The following PLA2G4E variants were observed in gnomAD, a reference collection of about 807,000 sequenced individuals.
PLA2G4E encodes phospholipase A2 group IVE.
Under a neutral mutation model 109.1 loss-of-function variants are expected in PLA2G4E, and 84 were observed. The observed-to-expected ratio is 0.77, with a 90% CI of 0.65 to 0.92. PLA2G4E has a LOEUF of 0.92. Among genes scored for constraint, PLA2G4E ranks in the 40% least tolerant of loss-of-function variants. PLA2G4E has a pLI of 0.00. For missense variants in PLA2G4E, 1,057 were observed against 1,076.6 expected (o/e 0.98, Z 0.25); for synonymous variants, 469 against 436.1 (o/e 1.08, Z -0.94).
chr15:41,994,038 T>C (rs1276544786), intron 12 of PLA2G4E, among the ~76,000 whole-genome samples: 12 of 149,876 alleles, frequency 8.0e-5, no homozygotes, highest in Admixed American at 8.0e-4. Context: ...GCAAGTTACC[T>C]TCTTAACCTA....
At chr15:42,017,735 C>A (rs1337990525) in intron 1 of PLA2G4E, among the ~76,000 whole-genome samples, 1 of 152,188 alleles carries the variant, frequency 6.6e-6, no homozygotes, top group Non-Finnish European at 1.5e-5. Context: ...ACTCAGCGCT[C>A]CCCCAAAGCC....
At chr15:42,019,668 G>T (rs1030522459) in intron 1 of PLA2G4E, among the ~76,000 whole-genome samples, 1 of 152,214 alleles carries the variant, frequency 6.6e-6, no homozygotes, top group African/African-American at 2.4e-5. Flanking sequence ...CCTTTAAGGA[G>T]ACCATTGGGA....
At chr15:42,004,751 A>G (rs1424510821) in intron 5 of PLA2G4E, among the ~76,000 whole-genome samples, 187 bp downstream of exon 5, 1 of 152,210 alleles carries the variant, frequency 6.6e-6, no homozygotes, top group African/African-American at 2.4e-5. Flanking sequence ...AGTGGGGCCC[A>G]GGCTCCTACA....
intron 1 of PLA2G4E, among the ~76,000 whole-genome samples, chr15:42,050,158 G>A (rs941782522): frequency 6.6e-6 from 1 of 152,220 alleles, no homozygotes; most frequent in Non-Finnish European, 1.5e-5. Flanking sequence ...GCATCGTGTT[G>A]ACAAATATCT....
At chr15:42,031,233 T>C (rs1352952667) in intron 1 of PLA2G4E, among the ~76,000 whole-genome samples, 3 of 152,222 alleles carry the variant, frequency 2.0e-5, no homozygotes, top group African/African-American at 7.2e-5. Context: ...CTTCCCAAAG[T>C]GCTGGGATTA....
rs879212145 is a variant in PLA2G4E, at chr15:42,013,582, C to T, written c.256+103G>A. 174 of 1,113,276 alleles carry T rather than the reference C, an allele frequency of 1.6e-4. 1 individual carries two copies. In the South Asian group the frequency reaches 1.6e-3, roughly 11 times the overall value. 69.0% of individuals were successfully genotyped at this position (1,113,276 alleles called of 1,614,324 possible). On this transcript the variant is annotated intron_variant, in intron 2 of 19. Transcript: ENST00000399518. Reference sequence around the variant, plus strand: ...TACACCATGCACGTGCACACGTGCGCGCGCACACACACACACGGATCCACC... The same window carrying T: ...TACACCATGCACGTGCACACGTGCGTGCGCACACACACACACGGATCCACC...
rs57770286 is a variant in PLA2G4E, at chr15:42,002,674, C to T, written c.589G>A (p.Val197Ile). ...ATTACCACCAGCACGCCATTGGTGA[C>T]GAGGGTCTCAGGTGGAGAGGGACTG... Residue 197 changes from valine to isoleucine, a missense_variant, in exon 6 of 20, where the codon GTC (valine) becomes ATC (isoleucine). Physicochemically the swap from Val to Ile is conservative, Grantham distance 29. Transcript: ENST00000399518. 1.0e-3 allele frequency: 1,658 copies of T among 1,584,956 alleles called. 16 individuals are homozygous for T. In the African/African-American group the frequency reaches 0.02, roughly 19 times the overall value.
chr15:41,988,898 G>A (rs1268609406), intron 15 of PLA2G4E, among the ~76,000 whole-genome samples: 1 of 152,196 alleles, frequency 6.6e-6, no homozygotes, highest in Non-Finnish European at 1.5e-5. Flanking sequence ...TTAAATAAGG[G>A]CGTGTTGGGG....
At chr15:41,985,392 C>A (rs2068124437) in intron 18 of PLA2G4E, among the ~76,000 whole-genome samples, 1 of 152,160 alleles carries the variant, frequency 6.6e-6, no homozygotes, top group African/African-American at 2.4e-5. Context: ...TGACAAGTGC[C>A]CTCCTCTCTC....
intron 1 of PLA2G4E, among the ~76,000 whole-genome samples, chr15:42,042,037 A>G (rs895964206): frequency 6.6e-6 from 1 of 151,106 alleles, no homozygotes; most frequent in Non-Finnish European, 1.5e-5. Flanking sequence ...GAGAGGAATC[A>G]TTGTAATTTG....
chr15:41,996,350 GAAA>G (rs34559872), intron 11 of PLA2G4E, among the ~76,000 whole-genome samples: 1,167 of 75,110 alleles, frequency 0.016, 11 homozygotes, highest in African/African-American at 0.055. Flanking sequence ...CCTGTCTCAA[GAAA>G]AAAAAAAAAA....
intron 6 of PLA2G4E, among the ~76,000 whole-genome samples, chr15:42,001,547 C>T (rs189059549): frequency 3.9e-5 from 6 of 152,230 alleles, no homozygotes; most frequent in African/African-American, 9.6e-5. Context: ...TGAGGGCTTC[C>T]GACAAAATAG....
chr15:41,993,000 C>T, intron 12 of PLA2G4E, 41 bp from the exon 13 acceptor site: 4 of 1,549,520 alleles, frequency 2.6e-6, no homozygotes, highest in Non-Finnish European at 3.5e-6. Flanking sequence ...TGACCCGGCC[C>T]CTGTCTGATG....
At chr15:42,050,109 C>T (rs1486591340) in intron 1 of PLA2G4E, among the ~76,000 whole-genome samples, 4 of 152,210 alleles carry the variant, frequency 2.6e-5, no homozygotes, top group African/African-American at 9.7e-5. Flanking sequence ...AGGCACTCTG[C>T]CAGGGGCTTC....
At chr15:42,027,222 C>T (rs2068700343) in intron 1 of PLA2G4E, among the ~76,000 whole-genome samples, 1 of 152,156 alleles carries the variant, frequency 6.6e-6, no homozygotes, top group Non-Finnish European at 1.5e-5. Context: ...TCAAGGACAT[C>T]TACAACAACT....
intron 15 of PLA2G4E, 29 bp downstream of exon 15, chr15:41,989,385 CT>C: frequency 6.2e-7 from 1 of 1,613,292 alleles, no homozygotes; most frequent in African/African-American, 1.3e-5. Context: ...CAGCAGCCCC[CT>C]GTCATTCCGC....
chr15:42,005,849 G>T, intron 4 of PLA2G4E, 141 bp downstream of exon 4: 1 of 1,041,894 alleles, frequency 9.6e-7, no homozygotes, highest in Non-Finnish European at 1.4e-6. Context: ...TGACAGTGCT[G>T]GGATTTAAAC....
chr15:42,022,840 C>T (rs1255528826), intron 1 of PLA2G4E, among the ~76,000 whole-genome samples: 6 of 152,070 alleles, frequency 3.9e-5, no homozygotes, highest in Non-Finnish European at 5.9e-5. Flanking sequence ...CAGAGCTCTG[C>T]CACACAACTA....
At chr15:42,035,723 G>T (rs1469528434) in intron 1 of PLA2G4E, among the ~76,000 whole-genome samples, 2 of 152,190 alleles carry the variant, frequency 1.3e-5, no homozygotes, top group Non-Finnish European at 2.9e-5. Flanking sequence ...GGAGCACCCT[G>T]GGGCCTTTGA....
Sources: gnomAD v4.1 joint callset for allele counts (sites outside exome capture counted in the v4.1 genomes callset) on GRCh38, gnomAD v4.1.1 for gene constraint, MANE v1.5 for transcripts, NCBI Gene and HGNC (gene_info 2026-07-23, HGNC 2026-07-21) for gene names.